The following CACNA1E variants were observed in gnomAD, a reference collection of about 807,000 sequenced individuals.
The protein encoded by CACNA1E is voltage-dependent R-type calcium channel subunit alpha-1E.
A neutral mutation model predicts 259.2 loss-of-function variants in CACNA1E; 40 were observed. The ratio of observed to expected loss-of-function variants is 0.15; its 90% CI spans 0.12 to 0.20. The LOEUF (loss-of-function observed/expected upper bound fraction) is 0.20, where lower values mean the gene tolerates loss of function less well. Ranked by LOEUF, CACNA1E falls within the 10% of genes least tolerant of loss-of-function variation. The pLI is 1.00. For missense variants in CACNA1E, 1,874 were observed against 3,040.1 expected (o/e 0.62, Z 9.02); for synonymous variants, 1,104 against 1,138.5 (o/e 0.97, Z 0.61).
At chr1:181,390,688 T>C (rs1405343864) in intron 1 of CACNA1E, among the ~76,000 whole-genome samples, 3 of 152,216 alleles carry the variant, frequency 2.0e-5, no homozygotes, top group African/African-American at 7.2e-5. Flanking sequence ...TCTGTTAGGC[T>C]GCCAGCTCGG....
At chr1:181,599,208 A>T (rs367559041) in intron 6 of CACNA1E, among the ~76,000 whole-genome samples, 2 of 152,130 alleles carry the variant, frequency 1.3e-5, no homozygotes, top group East Asian at 3.9e-4. Flanking sequence ...AAGTGAGAAC[A>T]TGGGGCATTT....
intron 6 of CACNA1E, among the ~76,000 whole-genome samples, chr1:181,604,300 C>G (rs1376021391): frequency 6.6e-6 from 1 of 152,174 alleles, no homozygotes; most frequent in East Asian, 1.9e-4. Context: ...GAGGAGTAAC[C>G]AGGACCCCCA....
chr1:181,448,654 C>T (rs1299609420), intron 2 of CACNA1E, among the ~76,000 whole-genome samples: 1 of 152,232 alleles, frequency 6.6e-6, no homozygotes, highest in Admixed American at 6.5e-5. Context: ...TTGTATATTA[C>T]CACAACCTGG....
chr1:181,795,409 A>T (rs1472248538), intron 46 of CACNA1E, among the ~76,000 whole-genome samples: 3 of 151,714 alleles, frequency 2.0e-5, no homozygotes, highest in Non-Finnish European at 4.4e-5. Flanking sequence ...ACTTCAACCT[A>T]AACAGTGCTA....
chr1:181,620,900 G>C (rs80031238), intron 6 of CACNA1E, among the ~76,000 whole-genome samples: 2 of 152,084 alleles, frequency 1.3e-5, no homozygotes, highest in Non-Finnish European at 2.9e-5. Flanking sequence ...GGTTGTGCAG[G>C]TTGTACATAA....
intron 32 of CACNA1E, among the ~76,000 whole-genome samples, chr1:181,759,841 G>A (rs1367396044): frequency 2.6e-5 from 4 of 152,176 alleles, no homozygotes; most frequent in African/African-American, 9.7e-5. Flanking sequence ...GGCTGGGTTC[G>A]ATAATTGTGA....
In CACNA1E at chr1:181,716,141, C is replaced by G. The variant is rs373180436; in HGVS notation, c.1315+12C>G. The G allele has an allele frequency of 9.3e-5, 140 of 1,510,846 alleles. No individual in the cohort carries two copies. The African/African-American group carries it at 1.7e-3, about 18-fold the overall frequency. 93.6% of individuals were successfully genotyped at this position (1,510,846 alleles called of 1,614,324 possible). On this transcript the variant is annotated intron_variant, in intron 10 of 47. Coordinates refer to ENST00000367573, the MANE Select transcript of CACNA1E (RefSeq NM_001205293.3). ...TATCTCCTCTGTGGGTGAGTGGATC[C>G]AGTTAGATCTTTTACTGCTCTGAAT...
intron 1 of CACNA1E, among the ~76,000 whole-genome samples, chr1:181,395,174 G>T (rs1373734379): frequency 3.9e-5 from 6 of 152,156 alleles, no homozygotes; most frequent in African/African-American, 1.4e-4. Flanking sequence ...GCAGTGGATG[G>T]TGAGAAGTGA....
chr1:181,489,141 C>T (rs997008148), intron 1 of CACNA1E, among the ~76,000 whole-genome samples: 2 of 152,186 alleles, frequency 1.3e-5, no homozygotes, highest in Non-Finnish European at 2.9e-5. Context: ...TCCAGTCCAT[C>T]AATGGTGACT....
chr1:181,714,390 C>T (rs797015752), intron 8 of CACNA1E, among the ~76,000 whole-genome samples: 5 of 152,300 alleles, frequency 3.3e-5, no homozygotes, highest in African/African-American at 1.2e-4. Flanking sequence ...CCTCCCAGCT[C>T]ACTGATGTGT....
intron 1 of CACNA1E, among the ~76,000 whole-genome samples, chr1:181,490,425 GT>G (rs1265291450): frequency 6.6e-6 from 1 of 151,646 alleles, no homozygotes; most frequent in Non-Finnish European, 1.5e-5. Context: ...TAAAGCAGTA[GT>G]TAATCCCAGA....
Position 181,716,118 on chromosome 1 carries a change from T to C in CACNA1E, c.1304T>C (p.Ile435Thr). 1.9e-6 allele frequency: 3 copies of C among 1,560,300 alleles called. No individual in the cohort carries two copies. The highest frequency in any genetic ancestry group is 2.6e-6 in the Non-Finnish European group (3 of 1,149,976). The change falls in exon 10 of 48, where the codon ATC becomes ACC. Residue 435 changes from isoleucine to threonine, a missense_variant. Around this residue, in one of 14 missense-constraint regions of CACNA1E, gnomAD observed 157 missense variants for 203.5 expected, o/e 0.77. Transcript: ENST00000367573. Reference protein sequence around the residue: ...RDSSDEHCVDISSVGTPLARA... With the variant: ...RDSSDEHCVDTSSVGTPLARA... The stretch of plus-strand genomic sequence containing the variant: ...TCCAGTGATGAGCACTGTGTTGATA[T>C]CTCCTCTGTGGGTGAGTGGATCCAG...
chr1:181,583,103 TACACACACACACAC>T (rs34193608), intron 6 of CACNA1E, among the ~76,000 whole-genome samples: 249 of 145,074 alleles, frequency 1.7e-3, no homozygotes, highest in African/African-American at 5.2e-3. Context: ...GGACTGTTCC[TACACACACACACAC>T]ACACACACAC....
At chr1:181,577,729 A>T (rs1217072195) in intron 3 of CACNA1E, 37 bp from the exon 4 acceptor site, 1 of 1,410,360 alleles carries the variant, frequency 7.1e-7, no homozygotes, top group Non-Finnish European at 9.9e-7. Context: ...GGAAAACCAG[A>T]CTGGTAACCT....
intron 6 of CACNA1E, among the ~76,000 whole-genome samples, chr1:181,613,606 T>G (rs770103524): frequency 2.0e-5 from 3 of 152,150 alleles, no homozygotes; most frequent in Non-Finnish European, 4.4e-5. Context: ...CAGCTGGTGT[T>G]TATCTTTTCC....
intron 25 of CACNA1E, among the ~76,000 whole-genome samples, chr1:181,743,752 A>T (rs1656798400): frequency 6.6e-6 from 1 of 152,244 alleles, no homozygotes; most frequent in African/African-American, 2.4e-5. Context: ...ACTGCTCTAC[A>T]GCACGTTACT....
chr1:181,702,611 A>G (rs1652380876), intron 7 of CACNA1E, among the ~76,000 whole-genome samples: 1 of 152,022 alleles, frequency 6.6e-6, no homozygotes, highest in African/African-American at 2.4e-5. Context: ...TTTTCCATGT[A>G]TTCAGTCCAC....
At chr1:181,469,670 G>A (rs1662370954) in intron 2 of CACNA1E, among the ~76,000 whole-genome samples, 1 of 152,182 alleles carries the variant, frequency 6.6e-6, no homozygotes, top group South Asian at 2.1e-4. Context: ...AGTGAAGAAG[G>A]CAGACACCGG....
chr1:181,494,568 T>C (rs988266447), intron 1 of CACNA1E, among the ~76,000 whole-genome samples: 1 of 152,236 alleles, frequency 6.6e-6, no homozygotes, highest in Non-Finnish European at 1.5e-5. Flanking sequence ...CTAACATTCA[T>C]TGAGCATCTA....
Sources: allele counts gnomAD v4.1 joint callset (sites outside exome capture counted in the v4.1 genomes callset), GRCh38; gene constraint gnomAD v4.1.1; regional missense constraint gnomAD v4.1.1; transcripts MANE v1.5; gene names NCBI Gene and HGNC (gene_info 2026-07-23, HGNC 2026-07-21).